Variants in PLAGL1 observed in about 807,000 individuals in gnomAD.
PLAGL1 encodes the protein zinc finger protein PLAGL1.
PLAGL1 carries 1 observed loss-of-function variant against 4.6 expected under a neutral mutation model. The observed-to-expected ratio is 0.22, with a 90% CI of 0.08 to 1.03. PLAGL1 has a LOEUF of 1.03. Ranked by LOEUF, PLAGL1 falls within the 50% of genes least tolerant of loss-of-function variation. The probability of loss-of-function intolerance (pLI) is 0.58; values close to 1 mark genes in which losing one functional copy is unlikely to be tolerated. For missense variants in PLAGL1, 464 were observed against 570.4 expected (o/e 0.81, Z 1.90); for synonymous variants, 240 against 237.8 (o/e 1.01, Z -0.08).
chr6:144,044,690 C>T (rs1258919216), intron 1 of PLAGL1, among the ~76,000 whole-genome samples: 1 of 152,254 alleles, frequency 6.6e-6, no homozygotes, highest in East Asian at 1.9e-4. Flanking sequence ...TCTATTAGGT[C>T]CGCTTGGTGC....
At position 143,945,186 on chromosome 6, in the gene PLAGL1, C is replaced by T. The variant is rs1051854471; in HGVS notation, c.153-2523G>A. On this transcript the variant is annotated intron_variant, in intron 7 of 7. Coordinates refer to ENST00000674357, the MANE Select transcript of PLAGL1 (RefSeq NM_001317162.2). This position sits in a 1 kb window ranked among gnomAD's most constrained non-coding sequence, Gnocchi z 4.2. ...CATCCTATAGCTGAAATTACTTCAA[C>T]GACTTGTTTCTTTCCCTCAGTTTTT... Among the ~76,000 whole-genome samples the T allele has an allele frequency of 2.6e-5, 4 of 152,152 alleles. No homozygotes were observed. Among genetic ancestry groups the T allele is most frequent in the African/African-American group, 4.8e-5 (2 of 41,434 alleles).
intron 1 of PLAGL1, among the ~76,000 whole-genome samples, chr6:144,042,101 A>T (rs1316073173): frequency 1.3e-5 from 2 of 152,140 alleles, no homozygotes; most frequent in African/African-American, 4.8e-5. Context: ...GTAGATTGCA[A>T]AAATTTTCTC....
rs115418899 is a variant in PLAGL1 at position 144,047,577 on chromosome 6, G to A, written c.-151+16891C>T. Among the ~76,000 whole-genome samples, 1,350 of 152,258 alleles carry A rather than the reference G, an allele frequency of 8.9e-3. 21 individuals carry two copies. Among genetic ancestry groups the A allele is most frequent in the African/African-American group, 0.031 (1,280 of 41,530 alleles). Reference sequence around the variant, plus strand: ...GTGGCATGAGAAAATGAGAGCAAGAGCAGGGAAAATTCCCTTATAAAACCA... The same window carrying A: ...GTGGCATGAGAAAATGAGAGCAAGAACAGGGAAAATTCCCTTATAAAACCA... On this transcript the variant is annotated intron_variant, in intron 1 of 3. Transcript: ENST00000437412.
At position 144,015,777 on chromosome 6, in the gene PLAGL1, G is replaced by C. The variant is rs957662603; in HGVS notation, c.-150-46799C>G. On this transcript the variant is annotated intron_variant, in intron 1 of 3. Coordinates refer to the PLAGL1 transcript ENST00000437412. The surrounding 1 kb of genome is among the most constrained non-coding windows in gnomAD (Gnocchi z 4.3). ...AAACTGGAACTCTCGCACATTGCTAGAAGAAATATAAAATGATACAGCCAC... is the reference window on the plus strand; with the variant it reads ...AAACTGGAACTCTCGCACATTGCTACAAGAAATATAAAATGATACAGCCAC... Among the ~76,000 whole-genome samples the C allele has an allele frequency of 1.3e-5, 2 of 152,162 alleles. No homozygotes were observed. Among genetic ancestry groups the C allele is most frequent in the Admixed American group, 6.5e-5 (1 of 15,282 alleles).
rs1781516116 is a variant in PLAGL1, at chr6:143,953,693, A to C, written c.-324-5233T>G. ...TAATATAAAAGGGAGAAAACAACAA[A>C]TTTTGGAAGCTGAAAAGCAGGTAAA... is the stretch of plus-strand genomic sequence containing the variant. On this transcript the variant is annotated intron_variant, in intron 6 of 7. Transcript: ENST00000674357. This position sits in a 1 kb window ranked among gnomAD's most constrained non-coding sequence, Gnocchi z 5.3. Among the ~76,000 whole-genome samples the C allele has an allele frequency of 6.6e-6, 1 of 152,198 alleles. No individual in the cohort carries two copies. Among genetic ancestry groups the C allele is most frequent in the African/African-American group, 2.4e-5 (1 of 41,448 alleles).
Position 144,048,554 on chromosome 6 carries a change from G to A in PLAGL1, c.-151+15914C>T, listed in dbSNP as rs1209306878. On this transcript the variant is annotated intron_variant, in intron 1 of 3. Transcript: ENST00000437412. This position sits in a 1 kb window ranked among gnomAD's most constrained non-coding sequence, Gnocchi z 4.8. ...CCAACACTATATGGAAGCCTCCAAG[G>A]CTTACAGCTTGCAGTCTCTGAAGCA... Among the ~76,000 whole-genome samples the A allele has an allele frequency of 6.6e-6, 1 of 152,148 alleles. No individual in the cohort carries two copies. Among genetic ancestry groups the A allele is most frequent in the African/African-American group, 2.4e-5 (1 of 41,426 alleles).
At position 144,034,028 on chromosome 6, in the gene PLAGL1, T is replaced by A. The variant is rs1378179875; in HGVS notation, c.-151+30440A>T. ...TGCAAAATCAAAAACACATGGATGC[T>A]TTTACTACACTACAGACATGGTCTC... On this transcript the variant is annotated intron_variant, in intron 1 of 3. Coordinates refer to the PLAGL1 transcript ENST00000437412. The surrounding 1 kb of genome is among the most constrained non-coding windows in gnomAD (Gnocchi z 4.7). Among the ~76,000 whole-genome samples, 1 of 152,222 alleles carries A rather than the reference T, an allele frequency of 6.6e-6. No homozygotes were observed. The highest frequency in any genetic ancestry group is 1.5e-5 in the Non-Finnish European group (1 of 68,040).
Position 144,004,326 on chromosome 6 carries a change from C to T in PLAGL1, c.-584+3764G>A, listed in dbSNP as rs75693714. 0.027 allele frequency among the ~76,000 whole-genome samples: 4,124 copies of T among 152,224 alleles called. 180 individuals carry two copies. Among genetic ancestry groups the T allele is most frequent in the African/African-American group, 0.091 (3,799 of 41,530 alleles). ...CCTCTTGACTGGCTGGAATTATAGACAGGAGCCATGGAACACAGCCCAATA... is the reference window on the plus strand; with the variant it reads ...CCTCTTGACTGGCTGGAATTATAGATAGGAGCCATGGAACACAGCCCAATA... On this transcript the variant is annotated intron_variant, in intron 1 of 7. Transcript: ENST00000674357. This position sits in a 1 kb window ranked among gnomAD's most constrained non-coding sequence, Gnocchi z 4.2.
Position 144,036,652 on chromosome 6 carries a change from TG to T in PLAGL1, c.-151+27815del. The T allele has an allele frequency of 4.9e-6, 1 of 202,414 alleles. No individual in the cohort carries two copies. Among genetic ancestry groups the T allele is most frequent in the South Asian group, 6.7e-5 (1 of 14,982 alleles). The allele number at this position is 202,414 out of a possible 1,614,324, so 12.5% of individuals were successfully genotyped here. A position where few individuals can be genotyped will look rare whatever the true frequency, so the allele number is the denominator to read the frequency against. On this transcript the variant is annotated intron_variant, in intron 1 of 3. Coordinates refer to the PLAGL1 transcript ENST00000437412. The surrounding 1 kb of genome is among the most constrained non-coding windows in gnomAD (Gnocchi z 5.1). ...TCTTATTCAGAATAGCTTTTTGTTT[TG>T]TTTGTTTTAACTTGTGAGGCTTCTT...
upstream of PLAGL1, among the ~76,000 whole-genome samples, chr6:144,011,039 A>G (rs1795142322): frequency 6.6e-6 from 1 of 152,258 alleles, no homozygotes; most frequent in South Asian, 2.1e-4. This position sits in a 1 kb window ranked among gnomAD's most constrained non-coding sequence, Gnocchi z 4.3. Context: ...TTCAGGACAT[A>G]GGCATGGGCA....
At position 144,029,836 on chromosome 6, in the gene PLAGL1, G is replaced by A. The variant is rs555965932; in HGVS notation, c.-151+34632C>T. ...TATAAAAAGTATAAACACGTGCACTGTTTGATCTCACATTTCCACTTTTAA... is the reference window on the plus strand; with the variant it reads ...TATAAAAAGTATAAACACGTGCACTATTTGATCTCACATTTCCACTTTTAA... On this transcript the variant is annotated intron_variant, in intron 1 of 3. Coordinates refer to the PLAGL1 transcript ENST00000437412. Among the ~76,000 whole-genome samples, 3 of 152,304 alleles carry A rather than the reference G, an allele frequency of 2.0e-5. No individual in the cohort carries two copies. In the South Asian group the frequency reaches 6.2e-4, roughly 32 times the overall value.
chr6:143,941,570 T>G lies in PLAGL1; in HGVS notation c.1246A>C (p.Ser416Arg), dbSNP rs776125291. 4 of 1,600,480 alleles carry G rather than the reference T, an allele frequency of 2.5e-6. No homozygotes were observed. Residue 416 changes from serine (S) to arginine (R), a missense_variant, in exon 8 of 8, where the codon AGC (serine) becomes CGC (arginine). Ser to Arg is a moderately radical substitution (Grantham distance 110, BLOSUM62 -1). Around this residue, in one of 4 missense-constraint regions of PLAGL1, gnomAD observed 248 missense variants for 250.1 expected, o/e 0.99. Transcript: ENST00000674357. This position sits in a 1 kb window ranked among gnomAD's most constrained non-coding sequence, Gnocchi z 6.0. ...GPGESLPHRL[S>R]CLGQQQQEPP... ...TCTTGCTGCTGCTGCCCCAGACAGC[T>G]TAACCTGTGGGGCAAAGATTCCCCA...
intron 7 of PLAGL1, among the ~76,000 whole-genome samples, chr6:143,943,651 G>T (rs755306222): frequency 6.6e-6 from 1 of 151,752 alleles, no homozygotes; most frequent in African/African-American, 2.4e-5. Context: ...ACTTCTTAAA[G>T]GTCACTGGTA....
rs371698312 is a variant in PLAGL1 at position 143,941,917 on chromosome 6, T to A, written c.899A>T (p.Asn300Ile). ...SPGSPPPPLP[N>I]HKYNTTSTSY... ...GGTAGAAGTGGTGTTGTACTTGTGA[T>A]TGGGAAGGGGTGGCGGAGGAGAGCC... is the stretch of plus-strand genomic sequence containing the variant. Residue 300 changes from asparagine (N) to isoleucine (I), a missense_variant, in exon 8 of 8, where the codon AAT becomes ATT. Coordinates refer to ENST00000674357, the MANE Select transcript of PLAGL1 (RefSeq NM_001317162.2). This position sits in a 1 kb window ranked among gnomAD's most constrained non-coding sequence, Gnocchi z 6.0. The A allele has an allele frequency of 3.1e-5, 50 of 1,611,374 alleles. No individual in the cohort carries two copies. The highest frequency in any genetic ancestry group is 1.6e-4 in the Middle Eastern group (1 of 6,078).
In PLAGL1 at chr6:144,058,625, A is replaced by G. The variant is rs78654362; in HGVS notation, c.-151+5843T>C. 7.5e-3 allele frequency among the ~76,000 whole-genome samples: 1,139 copies of G among 152,344 alleles called. 33 individuals are homozygous for G. In the East Asian group the frequency reaches 0.097, roughly 13 times the overall value. ...ACAAATTATTTACTTCCAAAATACA[A>G]TGGTGGTACAGACACTGGGTAAACA... On this transcript the variant is annotated intron_variant, in intron 1 of 3. Coordinates refer to the PLAGL1 transcript ENST00000437412.
chr6:144,014,744 T>A (rs1409416753), intron 1 of PLAGL1, among the ~76,000 whole-genome samples: 1 of 152,048 alleles, frequency 6.6e-6, no homozygotes, highest in Non-Finnish European at 1.5e-5. Context: ...GGCACCCAGC[T>A]AATTTTTGTA....
At position 143,945,979 on chromosome 6, in the gene PLAGL1, T is replaced by G. The variant is rs574548110; in HGVS notation, c.152+2006A>C. 2.1e-3 allele frequency among the ~76,000 whole-genome samples: 313 copies of G among 152,266 alleles called. 1 individual carries two copies. Among genetic ancestry groups the G allele is most frequent in the African/African-American group, 7.1e-3 (294 of 41,544 alleles). On this transcript the variant is annotated intron_variant, in intron 7 of 7. Coordinates refer to ENST00000674357, the MANE Select transcript of PLAGL1 (RefSeq NM_001317162.2). This position sits in a 1 kb window ranked among gnomAD's most constrained non-coding sequence, Gnocchi z 4.2. ...TTTTCCTTGCTAAGAACAACTACCT[T>G]CTAAACATGACTTAAGACTTCTTTT...
chr6:143,955,373 A>G lies in PLAGL1; in HGVS notation c.-325+5096T>C, dbSNP rs1781905426. ...CAGGCTAGAGAGATGGAGAATCGTG[A>G]AGGGTCCACTCTACAAGGGGAAGGT... On this transcript the variant is annotated intron_variant, in intron 6 of 7. Transcript: ENST00000674357. This position sits in a 1 kb window ranked among gnomAD's most constrained non-coding sequence, Gnocchi z 4.9. 6.6e-6 allele frequency among the ~76,000 whole-genome samples: 1 copy of G among 152,208 alleles called. No homozygotes were observed. Among genetic ancestry groups the G allele is most frequent in the Admixed American group, 6.5e-5 (1 of 15,284 alleles).
rs1188381839 is a variant in PLAGL1 at position 143,984,710 on chromosome 6, T to A, written c.-544+425A>T. ...ATCTCAGAAAATAACTTCTCAAAGA[T>A]GTATTTAAAATTGGTTTAGTATATT... On this transcript the variant is annotated intron_variant, in intron 2 of 7. Transcript: ENST00000674357. This position sits in a 1 kb window ranked among gnomAD's most constrained non-coding sequence, Gnocchi z 5.5. Among the ~76,000 whole-genome samples, 3 of 152,208 alleles carry A rather than the reference T, an allele frequency of 2.0e-5. No individual in the cohort carries two copies. The highest frequency in any genetic ancestry group is 6.6e-5 in the Admixed American group (1 of 15,264).
Sources: allele counts gnomAD v4.1 joint callset (sites outside exome capture counted in the v4.1 genomes callset), GRCh38; gene constraint gnomAD v4.1.1; regional missense constraint gnomAD v4.1.1; non-coding constraint Gnocchi (gnomAD v3.1); transcripts MANE v1.5; gene names NCBI Gene and HGNC (gene_info 2026-07-23, HGNC 2026-07-21).